SESTD1: variants seen among roughly 807,000 people sequenced by gnomAD.
The protein encoded by SESTD1 is SEC14 domain and spectrin repeat-containing protein 1.
SESTD1 carries 43 observed loss-of-function variants against 101.7 expected under a neutral mutation model. That is an observed-to-expected ratio of 0.42 (90% CI 0.33 to 0.55). The LOEUF is 0.55. SESTD1 is among the 20% of genes least tolerant of loss of function. The probability of loss-of-function intolerance (pLI) is 0.07; values close to 1 mark genes in which losing one functional copy is unlikely to be tolerated. For missense variants in SESTD1, 647 were observed against 815.1 expected (o/e 0.79, Z 2.51); for synonymous variants, 283 against 286.8 (o/e 0.99, Z 0.13).
intron 1 of SESTD1, among the ~76,000 whole-genome samples, chr2:179,197,876 C>T (rs1377582909): frequency 2.6e-5 from 4 of 152,068 alleles, no homozygotes; most frequent in African/African-American, 4.8e-5. Flanking sequence ...TAAAGACCAT[C>T]GAGACTAGGA....
intron 2 of SESTD1, among the ~76,000 whole-genome samples, chr2:179,183,524 A>G (rs2046155041): frequency 6.6e-6 from 1 of 152,176 alleles, no homozygotes. Context: ...GTAAAATAAA[A>G]TAAATTTCCA....
chr2:179,242,766 C>A (rs1355097722), intron 1 of SESTD1, among the ~76,000 whole-genome samples: 1 of 152,032 alleles, frequency 6.6e-6, no homozygotes, highest in Non-Finnish European at 1.5e-5. Flanking sequence ...AGAATGAAAC[C>A]GGACAGTACC....
chr2:179,204,662 T>C lies in SESTD1; in HGVS notation c.-25-12796A>G, dbSNP rs189498141. On this transcript the variant is annotated intron_variant, in intron 1 of 17. Coordinates refer to ENST00000428443, the MANE Select transcript of SESTD1 (RefSeq NM_178123.5). The stretch of plus-strand genomic sequence containing the variant: ...TTAATTTTGCCTCAGCTTCTTCCTT[T>C]TAGGTTGACATGCATACAGACATGC... Among the ~76,000 whole-genome samples, 37 of 135,660 alleles carry C rather than the reference T, an allele frequency of 2.7e-4. 8 individuals carry two copies. The highest frequency in any genetic ancestry group is 1.0e-3 in the African/African-American group (36 of 34,542). The allele number at this position is 135,660 out of a possible 152,430, so 89.0% of individuals were successfully genotyped here.
chr2:179,223,950 G>A (rs2046848190), intron 1 of SESTD1, among the ~76,000 whole-genome samples: 1 of 152,062 alleles, frequency 6.6e-6, no homozygotes, highest in Admixed American at 6.6e-5. Context: ...GACATCCAAG[G>A]TTTGAGTAAA....
rs1000154018 is a variant in SESTD1 at position 179,130,318 on chromosome 2, A to C, written c.972+1986T>G. 8.5e-5 allele frequency among the ~76,000 whole-genome samples: 13 copies of C among 152,182 alleles called. No homozygotes were observed. The South Asian group carries it at 2.7e-3, about 32-fold the overall frequency. ...TATAAAGTAAGATGAAGATATTAGA[A>C]TAATCTATAAGGTATTTTGCAATTC... On this transcript the variant is annotated intron_variant, in intron 10 of 17. Coordinates refer to ENST00000428443, the MANE Select transcript of SESTD1 (RefSeq NM_178123.5).
chr2:179,248,003 A>G (rs1224744036), intron 1 of SESTD1, among the ~76,000 whole-genome samples: 1 of 151,898 alleles, frequency 6.6e-6, no homozygotes, highest in Non-Finnish European at 1.5e-5. Flanking sequence ...ATCTCAAACC[A>G]ATAATTTAAG....
At chr2:179,192,439 A>G (rs1402397693) in intron 1 of SESTD1, among the ~76,000 whole-genome samples, 1 of 152,030 alleles carries the variant, frequency 6.6e-6, no homozygotes, top group African/African-American at 2.4e-5. Context: ...TTTCTAATAC[A>G]TTGTTTCAAT....
chr2:179,234,725 C>T (rs2047041306), intron 1 of SESTD1, among the ~76,000 whole-genome samples: 1 of 152,176 alleles, frequency 6.6e-6, no homozygotes, highest in African/African-American at 2.4e-5. Context: ...GCCAGAAACG[C>T]ATAACCTGAA....
chr2:179,161,204 G>A (rs1168887328), intron 5 of SESTD1, among the ~76,000 whole-genome samples: 1 of 151,572 alleles, frequency 6.6e-6, no homozygotes, highest in Non-Finnish European at 1.5e-5. Flanking sequence ...TTACAGGTGT[G>A]GGCCATTGCT....
At chr2:179,146,904 GGTGTGTGTGTGTGTGTGTGT>G (rs71023470) in intron 7 of SESTD1, among the ~76,000 whole-genome samples, 2 of 145,522 alleles carry the variant, frequency 1.4e-5, no homozygotes, top group Admixed American at 6.9e-5. Flanking sequence ...ATATTCCAGG[GGTGTGTGTGTGTGTGTGTGT>G]GTGTGTGTGT....
At chr2:179,129,395 T>C (rs2044957081) in intron 10 of SESTD1, among the ~76,000 whole-genome samples, 1 of 152,232 alleles carries the variant, frequency 6.6e-6, no homozygotes, top group Non-Finnish European at 1.5e-5. Context: ...TTTTTTGTTG[T>C]GTTCTATTAA....
At chr2:179,223,779 G>T (rs2046845876) in intron 1 of SESTD1, among the ~76,000 whole-genome samples, 1 of 152,102 alleles carries the variant, frequency 6.6e-6, no homozygotes, top group Non-Finnish European at 1.5e-5. Flanking sequence ...AAGCAGTATT[G>T]TTGATAACAT....
At chr2:179,211,195 C>T (rs900212709) in intron 1 of SESTD1, among the ~76,000 whole-genome samples, 3 of 133,686 alleles carry the variant, frequency 2.2e-5, no homozygotes, top group Non-Finnish European at 4.8e-5. Flanking sequence ...CCCATGCTCA[C>T]GGATGGATAG....
chr2:179,168,408 T>G (rs1241735494), intron 5 of SESTD1, among the ~76,000 whole-genome samples: 3 of 152,216 alleles, frequency 2.0e-5, no homozygotes, highest in Non-Finnish European at 4.4e-5. Context: ...GCTATTAGCA[T>G]TTAAGTTCTT....
intron 1 of SESTD1, among the ~76,000 whole-genome samples, chr2:179,235,143 G>A (rs2047048216): frequency 6.6e-6 from 1 of 152,092 alleles, no homozygotes. Context: ...AAAGTCTATA[G>A]AGTACTGCAT....
At chr2:179,116,563 A>C in intron 15 of SESTD1, 105 bp downstream of exon 15, 1 of 1,569,432 alleles carries the variant, frequency 6.4e-7, no homozygotes, top group Non-Finnish European at 8.8e-7. Flanking sequence ...TTCTGGAATA[A>C]CAAAACTAAC....
intron 5 of SESTD1, among the ~76,000 whole-genome samples, chr2:179,168,084 C>G (rs1283930953): frequency 6.6e-6 from 1 of 152,034 alleles, no homozygotes; most frequent in African/African-American, 2.4e-5. Flanking sequence ...ATACAGTTGA[C>G]CCTTGAACAA....
chr2:179,120,089 T>C (rs1353578602), intron 13 of SESTD1, among the ~76,000 whole-genome samples: 1 of 151,656 alleles, frequency 6.6e-6, no homozygotes, highest in Non-Finnish European at 1.5e-5. Flanking sequence ...ATTAGCCGGG[T>C]GCAGTGGCAC....
intron 7 of SESTD1, among the ~76,000 whole-genome samples, chr2:179,147,085 G>A (rs1170335445): frequency 2.0e-5 from 3 of 151,984 alleles, no homozygotes. Context: ...CTGGTCTCAT[G>A]CTAAATTTTT....
Sources: gnomAD v4.1 joint callset for allele counts (sites outside exome capture counted in the v4.1 genomes callset) on GRCh38, gnomAD v4.1.1 for gene constraint, MANE v1.5 for transcripts, NCBI Gene and HGNC (gene_info 2026-07-23, HGNC 2026-07-21) for gene names.